DIS3L2: variants seen among roughly 807,000 people sequenced by gnomAD.
DIS3L2 encodes DIS3 like 3'-5' exoribonuclease 2.
DIS3L2 carries 34 observed loss-of-function variants against 97.5 expected under a neutral mutation model. The ratio of observed to expected loss-of-function variants is 0.35; its 90% confidence interval spans 0.27 to 0.46. The LOEUF (loss-of-function observed/expected upper bound fraction) is 0.46. DIS3L2 is among the 20% of genes least tolerant of loss of function. The probability of loss-of-function intolerance (pLI) is 1.00; values close to 1 mark genes in which losing one functional copy is unlikely to be tolerated. For synonymous variants in DIS3L2, 435 were observed against 445.2 expected (o/e 0.98, Z 0.29); for missense variants, 1,038 against 1,146.0 (o/e 0.91, Z 1.36).
chr2:232,107,409 TAAGGG>T (rs1476865188), intron 6 of DIS3L2, among the ~76,000 whole-genome samples: 6 of 152,038 alleles, frequency 3.9e-5, no homozygotes, highest in African/African-American at 1.4e-4. Context: ...TCAGAAATGA[TAAGGG>T]GTAGGCTGGG....
intron 14 of DIS3L2, among the ~76,000 whole-genome samples, chr2:232,315,725 G>A (rs1395953079): frequency 2.6e-5 from 4 of 152,164 alleles, no homozygotes; most frequent in Non-Finnish European, 4.4e-5. Context: ...TCTGATGGCC[G>A]GAACACAGCT....
chr2:232,166,327 C>T (rs762430528), intron 9 of DIS3L2, among the ~76,000 whole-genome samples: 3 of 119,056 alleles, frequency 2.5e-5, no homozygotes, highest in Non-Finnish European at 4.7e-5. Flanking sequence ...ATACACACAC[C>T]ACACACACAC....
At chr2:232,131,725 C>T (rs1313827586) in intron 7 of DIS3L2, 4 of 152,018 alleles carry the variant, frequency 2.6e-5, no homozygotes, top group African/African-American at 9.7e-5. Flanking sequence ...AGTGTGCTTA[C>T]TCTACCAAGC....
chr2:232,302,556 CTT>C (rs10708239), intron 14 of DIS3L2, among the ~76,000 whole-genome samples: 12,671 of 140,442 alleles, frequency 0.09, 666 homozygotes, highest in African/African-American at 0.16. Context: ...TCTTCTTCTT[CTT>C]TTTTTTTTTT....
chr2:232,290,717 G>A (rs543419571), intron 13 of DIS3L2, among the ~76,000 whole-genome samples: 6 of 152,332 alleles, frequency 3.9e-5, no homozygotes, highest in South Asian at 2.1e-4. Flanking sequence ...AAGGTGCAGC[G>A]CAGTCAGGAG....
At chr2:232,026,103 G>A (rs1213877214) in intron 4 of DIS3L2, among the ~76,000 whole-genome samples, 1 of 152,140 alleles carries the variant, frequency 6.6e-6, no homozygotes, top group African/African-American at 2.4e-5. Flanking sequence ...TGATAACACA[G>A]TATAGAATTT....
At chr2:232,123,865 A>C (rs1697977482) in intron 6 of DIS3L2, among the ~76,000 whole-genome samples, 1 of 152,182 alleles carries the variant, frequency 6.6e-6, no homozygotes, top group Non-Finnish European at 1.5e-5. Context: ...ATGAAACAGC[A>C]GCTCTCACAT....
At chr2:232,093,946 A>G (rs1696922906) in intron 6 of DIS3L2, among the ~76,000 whole-genome samples, 1 of 152,124 alleles carries the variant, frequency 6.6e-6, no homozygotes, top group Middle Eastern at 3.4e-3. Context: ...ATGCATCATT[A>G]GGTGGTTTAT....
Position 232,334,011 on chromosome 2 carries a change from G to C in DIS3L2, c.2158+24G>C, listed in dbSNP as rs759387616. ...AGGTGAGGGGTGCAGTCGGGGTCAG[G>C]GCAGACCTGGGCCAGCTCAGGGCTG... On this transcript the variant is annotated intron_variant, in intron 17 of 20. Coordinates refer to ENST00000325385, the MANE Select transcript of DIS3L2 (RefSeq NM_152383.5). 25 of 1,595,846 alleles carry C rather than the reference G, an allele frequency of 1.6e-5. 1 individual carries two copies. The South Asian group carries it at 2.7e-4, about 17-fold the overall frequency.
intron 5 of DIS3L2, among the ~76,000 whole-genome samples, chr2:232,042,130 T>C (rs1333970659): frequency 6.6e-6 from 1 of 152,172 alleles, no homozygotes; most frequent in Non-Finnish European, 1.5e-5. Context: ...GAAGTGTTGA[T>C]AGGAGTGGCT....
chr2:232,013,355 A>G lies in DIS3L2; in HGVS notation c.-93-1480A>G, dbSNP rs561118782. 5.3e-5 allele frequency among the ~76,000 whole-genome samples: 8 copies of G among 152,292 alleles called. No homozygotes were observed. The East Asian group carries it at 1.5e-3, about 29-fold the overall frequency. On this transcript the variant is annotated intron_variant, in intron 1 of 20. Coordinates refer to ENST00000325385, the MANE Select transcript of DIS3L2 (RefSeq NM_152383.5). ...CTTTGAAAACTCCCTAGTGCTTTTGAAAAACTGGCCTAGTTTTTTAGACCT... is the reference window on the plus strand; with the variant it reads ...CTTTGAAAACTCCCTAGTGCTTTTGGAAAACTGGCCTAGTTTTTTAGACCT...
intron 1 of DIS3L2, among the ~76,000 whole-genome samples, chr2:231,979,499 C>T (rs1693190907): frequency 6.6e-6 from 1 of 152,138 alleles, no homozygotes; most frequent in South Asian, 2.1e-4. Context: ...TCAAGCAGTC[C>T]ACCTGCCTTG....
chr2:232,103,285 A>G lies in DIS3L2; in HGVS notation c.601+15564A>G, dbSNP rs530544344. 3.3e-5 allele frequency among the ~76,000 whole-genome samples: 5 copies of G among 152,166 alleles called. No individual in the cohort carries two copies. In the South Asian group the frequency reaches 1.0e-3, roughly 32 times the overall value. Reference sequence around the variant, plus strand: ...CATTACTTTAAGAACTGTGTTGCATAATAGTGGTGATTGTCTTGTTCCAGA... The same window carrying G: ...CATTACTTTAAGAACTGTGTTGCATGATAGTGGTGATTGTCTTGTTCCAGA... On this transcript the variant is annotated intron_variant, in intron 6 of 20. Transcript: ENST00000325385.
intron 1 of DIS3L2, among the ~76,000 whole-genome samples, chr2:231,992,111 T>G (rs1375395521): frequency 1.3e-5 from 2 of 152,212 alleles, no homozygotes; most frequent in Non-Finnish European, 2.9e-5. Context: ...CTGTGTATTC[T>G]GTGGAACCTG....
chr2:232,318,265 A>G (rs1480500284), intron 14 of DIS3L2, among the ~76,000 whole-genome samples: 1 of 152,220 alleles, frequency 6.6e-6, no homozygotes, highest in Non-Finnish European at 1.5e-5. Context: ...CTTTCCCACC[A>G]TCAAACTTAG....
intron 5 of DIS3L2, among the ~76,000 whole-genome samples, chr2:232,053,589 T>C (rs955082405): frequency 2.0e-5 from 3 of 152,234 alleles, no homozygotes; most frequent in Admixed American, 6.5e-5. Context: ...GGCTATTATT[T>C]GGGGATTCCC....
In DIS3L2 at chr2:232,249,281, A is replaced by G. The variant is rs746862631; in HGVS notation, c.1360A>G (p.Ser454Gly). ...LPRLLCEELC[S>G]LNPMSDKLTF... ...CAGGCTGCTGTGTGAGGAGCTGTGC[A>G]GCCTCAACCCCATGTCCGACAAGCT... The change falls in exon 12 of 21, where the codon AGC (serine) becomes GGC (glycine). Residue 454 changes from serine (S) to glycine (G), a missense_variant. Transcript: ENST00000325385. 6.2e-7 allele frequency: 1 copy of G among 1,614,198 alleles called. No homozygotes were observed. Among genetic ancestry groups the G allele is most frequent in the South Asian group, 1.1e-5 (1 of 91,080 alleles).
chr2:232,270,860 G>GTCTCTCTCTCTCTCTC (rs71056262), intron 13 of DIS3L2, among the ~76,000 whole-genome samples: 34 of 103,856 alleles, frequency 3.3e-4, no homozygotes, highest in South Asian at 1.6e-3. Flanking sequence ...TCTTTTTCTC[G>GTCTCTCTCTCTCTCTC]TCTCTCTCTC....
intron 1 of DIS3L2, among the ~76,000 whole-genome samples, chr2:232,000,725 CT>C (rs35247478): frequency 0.14 from 13,071 of 91,122 alleles, 953 homozygotes; most frequent in South Asian, 0.29. Context: ...TCTTCTTCTT[CT>C]TTTTTTTTTT....
Sources: allele counts gnomAD v4.1 joint callset (sites outside exome capture counted in the v4.1 genomes callset), GRCh38; gene constraint gnomAD v4.1.1; transcripts MANE v1.5; gene names NCBI Gene and HGNC (gene_info 2026-07-23, HGNC 2026-07-21).